Variants in EYS observed in about 807,000 individuals in gnomAD.
EYS encodes protein eyes shut homolog.
A neutral mutation model predicts 282.1 loss-of-function variants in EYS; 250 were observed. That is an observed-to-expected ratio of 0.89 (90% CI 0.80 to 0.98). The LOEUF (loss-of-function observed/expected upper bound fraction) is 0.98, where lower values mean the gene tolerates loss of function less well. Ranked by LOEUF, EYS falls within the 50% of genes least tolerant of loss-of-function variation. The probability of loss-of-function intolerance (pLI) is 0.00; values close to 1 mark genes in which losing one functional copy is unlikely to be tolerated. For synonymous variants in EYS, 1,355 were observed against 1,282.9 expected, an observed-to-expected ratio of 1.06 and a Z score of -1.20; for missense variants, 4,016 against 3,709.0, an observed-to-expected ratio of 1.08 and a Z score of -2.15.
At chr6:65,446,489 C>T (rs990326794) in intron 5 of EYS, among the ~76,000 whole-genome samples, 1 of 151,758 alleles carries the variant, frequency 6.6e-6, no homozygotes, top group Non-Finnish European at 1.5e-5. Context: ...GACTTTGATT[C>T]ATTGCTGTGT....
intron 28 of EYS, among the ~76,000 whole-genome samples, chr6:64,430,096 A>C (rs1310915659): frequency 1.3e-5 from 2 of 152,166 alleles, no homozygotes; most frequent in Non-Finnish European, 2.9e-5. Flanking sequence ...TCTAATTGAC[A>C]CATGTCCTGT....
intron 12 of EYS, among the ~76,000 whole-genome samples, chr6:65,086,792 G>T (rs1774390071): frequency 2.0e-5 from 3 of 151,492 alleles, no homozygotes; most frequent in Non-Finnish European, 4.4e-5. Context: ...GTGTGTGGTG[G>T]TGTGTGTGTA....
rs375797356 is a variant in EYS, at chr6:64,326,595, T to A, written c.6079-19513A>T. 5.9e-5 allele frequency among the ~76,000 whole-genome samples: 9 copies of A among 152,088 alleles called. No individual in the cohort carries two copies. The East Asian group carries it at 1.7e-3, about 29-fold the overall frequency. ...CCTGAACCTTTTTTGGTCTCTCCAG[T>A]CTTTGATTGTCCTGTACCATTTCTG... On this transcript the variant is annotated intron_variant, in intron 29 of 42. Coordinates refer to ENST00000503581, the MANE Select transcript of EYS (RefSeq NM_001142800.2).
chr6:64,284,197 T>A (rs1216960340), intron 30 of EYS, among the ~76,000 whole-genome samples: 2 of 152,194 alleles, frequency 1.3e-5, no homozygotes, highest in Non-Finnish European at 2.9e-5. Context: ...GCAAGTAAGT[T>A]ACTTCCTAGG....
At chr6:65,266,358 C>A (rs1319735403) in intron 12 of EYS, among the ~76,000 whole-genome samples, 1 of 151,776 alleles carries the variant, frequency 6.6e-6, no homozygotes, top group Non-Finnish European at 1.5e-5. Context: ...AGGTTTGACT[C>A]TTACATATAA....
At chr6:65,416,218 A>C (rs1332659407) in intron 5 of EYS, among the ~76,000 whole-genome samples, 1 of 151,998 alleles carries the variant, frequency 6.6e-6, no homozygotes, top group Admixed American at 6.6e-5. Context: ...TTCTTGGAGT[A>C]GAATGCTTAA....
At chr6:64,706,511 A>G (rs1246160741) in intron 22 of EYS, among the ~76,000 whole-genome samples, 3 of 152,206 alleles carry the variant, frequency 2.0e-5, no homozygotes, top group Non-Finnish European at 2.9e-5. Flanking sequence ...AATAATCAGT[A>G]GACTAAATAG....
intron 12 of EYS, among the ~76,000 whole-genome samples, chr6:65,130,052 A>G (rs1775827287): frequency 6.6e-6 from 1 of 151,960 alleles, no homozygotes; most frequent in Non-Finnish European, 1.5e-5. Flanking sequence ...GAAGTAATGA[A>G]GAAACAGAAA....
At chr6:64,078,791 T>A (rs1771857372) in intron 32 of EYS, among the ~76,000 whole-genome samples, 1 of 152,206 alleles carries the variant, frequency 6.6e-6, no homozygotes, top group East Asian at 1.9e-4. Flanking sequence ...TATGGCACTA[T>A]CATCAGCTTG....
intron 5 of EYS, among the ~76,000 whole-genome samples, chr6:65,407,744 C>CGTGTGTGTGTGTGT (rs71002305): frequency 6.9e-6 from 1 of 144,124 alleles, no homozygotes; most frequent in African/African-American, 2.6e-5. Context: ...CTAATAAGTC[C>CGTGTGTGTGTGTGT]GTGTGTGTGT....
At chr6:63,853,179 G>C (rs1046999459) in intron 36 of EYS, among the ~76,000 whole-genome samples, 1 of 152,184 alleles carries the variant, frequency 6.6e-6, no homozygotes, top group African/African-American at 2.4e-5. Context: ...AATAAGAAGA[G>C]AGGAAGTCAA....
chr6:65,491,545 C>T lies in EYS; in HGVS notation c.749-838G>A, dbSNP rs913255241. ...AATTCCTTATATACTGACATCCCTG[C>T]CTCACTAATGCAGAACTTTTTTCTT... On this transcript the variant is annotated intron_variant, in intron 4 of 42. Transcript: ENST00000503581. The T allele has an allele frequency of 7.0e-6, 3 of 426,294 alleles. No homozygotes were observed. In the Admixed American group the frequency reaches 7.4e-5, roughly 10 times the overall value. The allele number at this position is 426,294 out of a possible 1,614,324, so 26.4% of individuals were successfully genotyped here.
Position 65,538,348 on chromosome 6 carries a change from A to G in EYS, c.-332-42355T>C, listed in dbSNP as rs1296940630. Among the ~76,000 whole-genome samples, 3 of 152,280 alleles carry G rather than the reference A, an allele frequency of 2.0e-5. No homozygotes were observed. In the East Asian group the frequency reaches 5.8e-4, roughly 29 times the overall value. On this transcript the variant is annotated intron_variant, in intron 2 of 42. Transcript: ENST00000503581. ...TAAAGGTTGTCAATTGAGAATCTAT[A>G]TTTTAACAAACTGTCTTGGCATTAC...
chr6:65,253,209 T>C (rs1767371549), intron 12 of EYS, among the ~76,000 whole-genome samples: 2 of 152,092 alleles, frequency 1.3e-5, no homozygotes, highest in South Asian at 4.1e-4. Context: ...GCTTGAGACA[T>C]TTATACTGTA....
rs538655704 is a variant in EYS, at chr6:65,517,284, TA to T, written c.-332-21292del. On this transcript the variant is annotated intron_variant, in intron 2 of 42. Transcript: ENST00000503581. ...CTTATTTTCTGTCCCATTTTTTAAA[TA>T]AAAATAATTGTCTGTAACAAAAGTA... Among the ~76,000 whole-genome samples the T allele has an allele frequency of 6.0e-5, 9 of 149,708 alleles. No homozygotes were observed. The South Asian group carries it at 1.7e-3, about 28-fold the overall frequency.
At chr6:64,181,874 A>T (rs1764797229) in intron 31 of EYS, among the ~76,000 whole-genome samples, 1 of 152,156 alleles carries the variant, frequency 6.6e-6, no homozygotes, top group Admixed American at 6.6e-5. Context: ...TGTTCGAAAT[A>T]TTATCAATCA....
chr6:63,978,812 CTAAA>C (rs577767070), intron 35 of EYS, among the ~76,000 whole-genome samples: 337 of 151,890 alleles, frequency 2.2e-3, no homozygotes, highest in African/African-American at 7.8e-3. Flanking sequence ...TTTTGAAGTG[CTAAA>C]TGAGTTGGAA....
intron 5 of EYS, among the ~76,000 whole-genome samples, chr6:65,405,949 C>T (rs1766718088): frequency 6.6e-6 from 1 of 152,008 alleles, no homozygotes; most frequent in Admixed American, 6.6e-5. Flanking sequence ...AGTGGAATTG[C>T]TGGATTTTAT....
chr6:64,669,158 T>C (rs1044281995), intron 22 of EYS, among the ~76,000 whole-genome samples: 1 of 152,198 alleles, frequency 6.6e-6, no homozygotes, highest in African/African-American at 2.4e-5. Flanking sequence ...GAAACATAAG[T>C]AATTGATCCT....
Sources: allele counts gnomAD v4.1 joint callset (sites outside exome capture counted in the v4.1 genomes callset), GRCh38; gene constraint gnomAD v4.1.1; transcripts MANE v1.5; gene names NCBI Gene and HGNC (gene_info 2026-07-23, HGNC 2026-07-21).